Variants in FSTL5 observed in about 807,000 individuals in gnomAD.
FSTL5 encodes follistatin-related protein 5.
In FSTL5, 62 loss-of-function variants were observed where a neutral mutation model predicts 89.1. The ratio of observed to expected loss-of-function variants is 0.70; its 90% confidence interval spans 0.57 to 0.86. The LOEUF is 0.86. Ranked by LOEUF, FSTL5 falls within the 40% of genes least tolerant of loss-of-function variation. FSTL5 has a pLI of 0.00. For synonymous variants in FSTL5, 383 were observed against 346.2 expected, an observed-to-expected ratio of 1.11 and a Z score of -1.18; for missense variants, 1,057 against 1,001.6, an observed-to-expected ratio of 1.06 and a Z score of -0.75.
intron 8 of FSTL5, among the ~76,000 whole-genome samples, chr4:161,559,896 C>T (rs4565035): frequency 1 from 151,300 of 151,878 alleles, 75,366 homozygotes; most frequent in Middle Eastern, 1. Flanking sequence ...GCTCCCAGGC[C>T]ACAAACCTGT....
chr4:161,445,189 CA>C (rs1271597640), intron 15 of FSTL5, among the ~76,000 whole-genome samples: 2 of 151,766 alleles, frequency 1.3e-5, no homozygotes, highest in African/African-American at 4.8e-5. Flanking sequence ...GTGCATAGGA[CA>C]AAAGGAAAGT....
At chr4:161,895,322 TA>T (rs1387732787) in intron 4 of FSTL5, among the ~76,000 whole-genome samples, 2 of 152,198 alleles carry the variant, frequency 1.3e-5, no homozygotes, top group African/African-American at 2.4e-5. Flanking sequence ...AACATTAATT[TA>T]AAAATGCAAA....
intron 3 of FSTL5, among the ~76,000 whole-genome samples, chr4:161,971,545 T>C (rs552318683): frequency 1.3e-5 from 2 of 152,254 alleles, no homozygotes; most frequent in Non-Finnish European, 2.9e-5. Context: ...TTATAAGGCA[T>C]TACTACTAGG....
At chr4:161,669,531 T>C (rs1737023955) in intron 6 of FSTL5, among the ~76,000 whole-genome samples, 1 of 151,794 alleles carries the variant, frequency 6.6e-6, no homozygotes. Flanking sequence ...GAAATGACAA[T>C]GCAAGGTAGA....
chr4:161,616,069 T>TTTTTTC (rs1317572625), intron 7 of FSTL5, among the ~76,000 whole-genome samples: 1 of 152,034 alleles, frequency 6.6e-6, no homozygotes, highest in African/African-American at 2.4e-5. Flanking sequence ...TGAGTGTTTT[T>TTTTTTC]TTTTTCTTTT....
chr4:162,041,441 T>C (rs1737952849), intron 2 of FSTL5, among the ~76,000 whole-genome samples: 1 of 152,076 alleles, frequency 6.6e-6, no homozygotes, highest in Non-Finnish European at 1.5e-5. Flanking sequence ...TTTTCTTATG[T>C]TGGTAAGAAA....
chr4:161,884,361 T>C (rs1404211369), intron 4 of FSTL5, among the ~76,000 whole-genome samples: 1 of 152,172 alleles, frequency 6.6e-6, no homozygotes, highest in African/African-American at 2.4e-5. Context: ...TGCTTATTAA[T>C]TTCATATCCT....
At chr4:161,723,676 A>C (rs1739293003) in intron 6 of FSTL5, among the ~76,000 whole-genome samples, 1 of 152,166 alleles carries the variant, frequency 6.6e-6, no homozygotes, top group Admixed American at 6.5e-5. Flanking sequence ...AAAGCTGTGA[A>C]GATCAGTGTA....
At chr4:161,785,336 T>A (rs2126814548) in intron 4 of FSTL5, among the ~76,000 whole-genome samples, 1 of 152,334 alleles carries the variant, frequency 6.6e-6, no homozygotes, top group African/African-American at 2.4e-5. Flanking sequence ...TGCCTACATG[T>A]AATCTGATAT....
intron 4 of FSTL5, among the ~76,000 whole-genome samples, chr4:161,841,770 T>C (rs1731218951): frequency 6.6e-6 from 1 of 152,188 alleles, no homozygotes; most frequent in South Asian, 2.1e-4. Context: ...AGTAGTTGCA[T>C]GGTGAATCAG....
intron 10 of FSTL5, among the ~76,000 whole-genome samples, chr4:161,527,895 C>T (rs1731281388): frequency 6.6e-6 from 1 of 150,454 alleles, no homozygotes; most frequent in South Asian, 2.1e-4. Flanking sequence ...GGAACCAACC[C>T]AAATGTCCAA....
intron 3 of FSTL5, among the ~76,000 whole-genome samples, chr4:161,977,932 T>C (rs1360097996): frequency 6.6e-6 from 1 of 152,066 alleles, no homozygotes; most frequent in Non-Finnish European, 1.5e-5. Flanking sequence ...CCACAAGAAA[T>C]TACCATATAA....
intron 11 of FSTL5, among the ~76,000 whole-genome samples, chr4:161,506,653 C>A (rs1409739946): frequency 6.6e-6 from 1 of 152,066 alleles, no homozygotes; most frequent in African/African-American, 2.4e-5. Context: ...ACCTCCCTGG[C>A]AGTGTACATT....
intron 15 of FSTL5, among the ~76,000 whole-genome samples, chr4:161,432,756 C>G (rs977929392): frequency 6.6e-6 from 1 of 151,636 alleles, no homozygotes; most frequent in Non-Finnish European, 1.5e-5. Context: ...GACATTAGAA[C>G]TGATAGCACA....
rs1178078537 is a variant in FSTL5 at position 161,584,330 on chromosome 4, TCTGTTTCAACA to T, written c.1015+3114_1015+3124del. ...TTTTCCCAAACAGTCTGTCTTTCTCTCTGTTTCAACACAGGGACTATTCATCTTCCAAAGAT... is the reference window on the plus strand; with the variant it reads ...TTTTCCCAAACAGTCTGTCTTTCTCTCAGGGACTATTCATCTTCCAAAGAT... On this transcript the variant is annotated intron_variant, in intron 8 of 15. Transcript: ENST00000306100. 3.3e-5 allele frequency among the ~76,000 whole-genome samples: 5 copies of T among 152,200 alleles called. 1 individual carries two copies. Among genetic ancestry groups the T allele is most frequent in the Non-Finnish European group, 7.4e-5 (5 of 68,026 alleles).
intron 3 of FSTL5, among the ~76,000 whole-genome samples, chr4:161,937,544 T>G (rs1288474838): frequency 6.6e-6 from 1 of 152,032 alleles, no homozygotes; most frequent in Non-Finnish European, 1.5e-5. Context: ...AATAAAATGC[T>G]CTATCATACA....
chr4:161,842,404 A>AT (rs1731238237), intron 4 of FSTL5, among the ~76,000 whole-genome samples: 1 of 152,238 alleles, frequency 6.6e-6, no homozygotes, highest in African/African-American at 2.4e-5. Flanking sequence ...GTAACAAAGC[A>AT]TAAACACTTT....
At chr4:161,704,145 T>A (rs1233269359) in intron 6 of FSTL5, among the ~76,000 whole-genome samples, 1 of 152,132 alleles carries the variant, frequency 6.6e-6, no homozygotes, top group Non-Finnish European at 1.5e-5. Context: ...GCATATCTAA[T>A]TGCCTTCTTT....
chr4:161,513,036 T>C (rs1730699489), intron 10 of FSTL5, among the ~76,000 whole-genome samples: 3 of 151,884 alleles, frequency 2.0e-5, no homozygotes, highest in Admixed American at 1.3e-4. Context: ...GTAAATCTGT[T>C]CCAATAAGCA....
Sources: gnomAD v4.1 joint callset for allele counts (sites outside exome capture counted in the v4.1 genomes callset) on GRCh38, gnomAD v4.1.1 for gene constraint, MANE v1.5 for transcripts, NCBI Gene and HGNC (gene_info 2026-07-23, HGNC 2026-07-21) for gene names.